Variants in CNNM4 observed in about 807,000 individuals in gnomAD.
The protein encoded by CNNM4 is cyclin and CBS domain divalent metal cation transport mediator 4.
In CNNM4, 32 loss-of-function variants were observed where a neutral mutation model predicts 53.7. That is an observed-to-expected ratio of 0.60 (90% confidence interval 0.45 to 0.80). The LOEUF (loss-of-function observed/expected upper bound fraction) is 0.80. Ranked by LOEUF, CNNM4 falls within the 30% of genes least tolerant of loss-of-function variation. The pLI is 0.00. For synonymous variants in CNNM4, 410 were observed against 440.0 expected (o/e 0.93, Z 0.85); for missense variants, 784 against 1,022.0 (o/e 0.77, Z 3.17).
At chr2:96,762,852 CGCAA>C (rs1423472089) in intron 1 of CNNM4, among the ~76,000 whole-genome samples, 4 of 152,050 alleles carry the variant, frequency 2.6e-5, no homozygotes, top group Non-Finnish European at 5.9e-5. Flanking sequence ...GAGGGAACCC[CGCAA>C]GCAGAGAACC....
chr2:96,772,379 GCA>G lies in CNNM4; in HGVS notation c.1402+9986_1402+9987del, dbSNP rs539653258. Among the ~76,000 whole-genome samples, 27 of 124,200 alleles carry G rather than the reference GCA, an allele frequency of 2.2e-4. No homozygotes were observed. The South Asian group carries it at 7.1e-3, about 33-fold the overall frequency. The allele number at this position is 124,200 out of a possible 152,430, so 81.5% of individuals were successfully genotyped here. On this transcript the variant is annotated intron_variant, in intron 1 of 6. Coordinates refer to ENST00000377075, the MANE Select transcript of CNNM4 (RefSeq NM_020184.4). ...CAGGCAGGTGCTCACACACACGTGCGCACACACACTCATGCCCCCCACGTAGG... is the reference window on the plus strand; with the variant it reads ...CAGGCAGGTGCTCACACACACGTGCGCACACACTCATGCCCCCCACGTAGG...
chr2:96,779,200 C>T (rs901688914), intron 1 of CNNM4, among the ~76,000 whole-genome samples: 28 of 152,128 alleles, frequency 1.8e-4, no homozygotes, highest in Non-Finnish European at 1.0e-4. Context: ...GCTCGTGATC[C>T]GCCCGCCTCG....
intron 5 of CNNM4, among the ~76,000 whole-genome samples, chr2:96,803,923 C>T (rs906232867): frequency 2.0e-5 from 3 of 151,984 alleles, no homozygotes; most frequent in African/African-American, 7.3e-5. Context: ...TTAAGAGACA[C>T]GTTCTTTCTC....
At chr2:96,785,024 G>A (rs2079004762) in intron 1 of CNNM4, among the ~76,000 whole-genome samples, 1 of 151,976 alleles carries the variant, frequency 6.6e-6, no homozygotes. Flanking sequence ...ATTATAGGTG[G>A]GCACCACCAC....
chr2:96,809,121 T>C (rs1218290620), intron 6 of CNNM4, 199 bp from the exon 7 acceptor site: 1 of 1,174,028 alleles, frequency 8.5e-7, no homozygotes, highest in Non-Finnish European at 1.2e-6. Context: ...GGATTACAGG[T>C]GTGAGCCACT....
chr2:96,762,180 T>A lies in CNNM4; in HGVS notation c.1181T>A (p.Phe394Tyr). 6.2e-7 allele frequency: 1 copy of A among 1,614,206 alleles called. No homozygotes were observed. The highest frequency in any genetic ancestry group is 8.5e-7 in the Non-Finnish European group (1 of 1,180,032). The change falls in exon 1 of 7, where the codon TTC becomes TAC. Residue 394 changes from phenylalanine to tyrosine, a missense_variant. Phe to Tyr is a conservative substitution (Grantham distance 22, BLOSUM62 3). Coordinates refer to ENST00000377075, the MANE Select transcript of CNNM4 (RefSeq NM_020184.4). Reference protein sequence around the residue: ...FMIRSDAILDFNTMSEIMESG... With the variant: ...FMIRSDAILDYNTMSEIMESG... ...ATCCGCAGCGATGCCATCCTGGACTTCAACACCATGTCGGAGATAATGGAA... is the reference window on the plus strand; with the variant it reads ...ATCCGCAGCGATGCCATCCTGGACTACAACACCATGTCGGAGATAATGGAA...
At chr2:96,787,615 G>A (rs2079026220) in intron 1 of CNNM4, among the ~76,000 whole-genome samples, 1 of 152,112 alleles carries the variant, frequency 6.6e-6, no homozygotes, top group Admixed American at 6.6e-5. Context: ...CCCAGCATTT[G>A]GGGAGGCCAT....
chr2:96,806,195 G>A (rs2079204489), intron 5 of CNNM4, among the ~76,000 whole-genome samples: 2 of 152,018 alleles, frequency 1.3e-5, no homozygotes, highest in Admixed American at 6.6e-5. Flanking sequence ...CTTCTTTTCA[G>A]TTTTATGAAA....
chr2:96,801,801 GAT>G lies in CNNM4; in HGVS notation c.1948+2156_1948+2157del, dbSNP rs566662122. ...GATACTACAGACACCCATAGACAGA[GAT>G]ATCACACACAGAAACACACATGCAG... On this transcript the variant is annotated intron_variant, in intron 5 of 6. Transcript: ENST00000377075. The surrounding 1 kb of genome is among the most constrained non-coding windows in gnomAD (Gnocchi z 5.6). Among the ~76,000 whole-genome samples the G allele has an allele frequency of 2.8e-4, 42 of 151,146 alleles. No homozygotes were observed. Among genetic ancestry groups the G allele is most frequent in the Non-Finnish European group, 6.0e-4 (41 of 67,836 alleles).
intron 1 of CNNM4, among the ~76,000 whole-genome samples, chr2:96,765,352 C>A (rs930874575): frequency 2.6e-5 from 4 of 151,756 alleles, no homozygotes; most frequent in Non-Finnish European, 5.9e-5. Context: ...TCTTGAACTC[C>A]CGACCTCAGG....
chr2:96,799,312 G>T, intron 4 of CNNM4, 86 bp downstream of exon 4: 1 of 1,549,368 alleles, frequency 6.5e-7, no homozygotes. Context: ...TGCTGCGGAG[G>T]TGCATGGCTT....
intron 1 of CNNM4, among the ~76,000 whole-genome samples, chr2:96,789,951 G>A (rs2079046043): frequency 1.1e-5 from 1 of 87,020 alleles, no homozygotes; most frequent in Non-Finnish European, 2.2e-5. Flanking sequence ...CCCCGCCCCC[G>A]GCCCTCCAAA....
At position 96,800,113 on chromosome 2, in the gene CNNM4, T is replaced by A. The variant is rs1057179960; in HGVS notation, c.1948+465T>A. ...GGAGGACGCGGCTACTGGGTTTTGG[T>A]TAGAGGTCAGCTCCGATGGAATAAA... On this transcript the variant is annotated intron_variant, in intron 5 of 6. Coordinates refer to ENST00000377075, the MANE Select transcript of CNNM4 (RefSeq NM_020184.4). The surrounding 1 kb of genome is among the most constrained non-coding windows in gnomAD (Gnocchi z 4.6). 2.2e-4 allele frequency among the ~76,000 whole-genome samples: 34 copies of A among 151,924 alleles called. No individual in the cohort carries two copies. The highest frequency in any genetic ancestry group is 8.0e-4 in the African/African-American group (33 of 41,462).
chr2:96,804,210 A>G (rs1254840759), intron 5 of CNNM4, among the ~76,000 whole-genome samples: 1 of 150,550 alleles, frequency 6.6e-6, no homozygotes, highest in African/African-American at 2.4e-5. Flanking sequence ...TCTAATCTTA[A>G]TAGGTCACGT....
chr2:96,796,708 C>T (rs1244201790), intron 1 of CNNM4, among the ~76,000 whole-genome samples: 1 of 152,176 alleles, frequency 6.6e-6, no homozygotes, highest in African/African-American at 2.4e-5. Context: ...CTGCAGTGAG[C>T]TATGATTGCG....
chr2:96,808,854 T>G lies in CNNM4; in HGVS notation c.2130+112T>G, dbSNP rs1360579479. 1.1e-5 allele frequency: 12 copies of G among 1,073,410 alleles called. 1 individual carries two copies. In the East Asian group the frequency reaches 2.3e-4, roughly 20 times the overall value. 66.5% of individuals were successfully genotyped at this position (1,073,410 alleles called of 1,614,324 possible). On this transcript the variant is annotated intron_variant, in intron 6 of 6. Coordinates refer to ENST00000377075, the MANE Select transcript of CNNM4 (RefSeq NM_020184.4). The surrounding 1 kb of genome is among the most constrained non-coding windows in gnomAD (Gnocchi z 4.9). The stretch of plus-strand genomic sequence containing the variant: ...GGCCCAAACCCGAGATGCCTTTTTC[T>G]TCTGGAGATGGGGTCTTGCTCTGTC...
Position 96,801,006 on chromosome 2 carries a change from C to T in CNNM4, c.1948+1358C>T. The T allele has an allele frequency of 1.3e-6, 1 of 763,708 alleles. No homozygotes were observed. Among genetic ancestry groups the T allele is most frequent in the Non-Finnish European group, 1.6e-6 (1 of 627,696 alleles). The allele number at this position is 763,708 out of a possible 1,614,324, so 47.3% of individuals were successfully genotyped here. On this transcript the variant is annotated intron_variant, in intron 5 of 6. Coordinates refer to ENST00000377075, the MANE Select transcript of CNNM4 (RefSeq NM_020184.4). The surrounding 1 kb of genome is among the most constrained non-coding windows in gnomAD (Gnocchi z 5.6). ...TGGCCCCGTCAGGTCTGCCTCTGTCCTGTGCCTGTGGTTCCGTGTCCTGTC... is the reference window on the plus strand; with the variant it reads ...TGGCCCCGTCAGGTCTGCCTCTGTCTTGTGCCTGTGGTTCCGTGTCCTGTC...
At chr2:96,787,778 T>C (rs2079027364) in intron 1 of CNNM4, among the ~76,000 whole-genome samples, 1 of 152,138 alleles carries the variant, frequency 6.6e-6, no homozygotes, top group Non-Finnish European at 1.5e-5. Context: ...GAGGTTCACT[T>C]GAGCCCAGGA....
Position 96,761,652 on chromosome 2 carries a change from A to G in CNNM4, c.653A>G (p.Gln218Arg). Reference protein sequence around the residue: ...ALDPMELRIVQNCGTEKERRY... With the variant: ...ALDPMELRIVRNCGTEKERRY... ...GACCCCATGGAGCTGCGCATCGTGC[A>G]GAACTGTGGCACCGAGAAGGAGAGG... Residue 218 changes from glutamine to arginine, a missense_variant, in exon 1 of 7, where the codon CAG becomes CGG. Physicochemically the swap from Gln to Arg is conservative, Grantham distance 43. This residue lies in a region of CNNM4 where 473 missense variants were observed against 624.6 expected (regional missense o/e 0.76). Coordinates refer to ENST00000377075, the MANE Select transcript of CNNM4 (RefSeq NM_020184.4). This position sits in a 1 kb window ranked among gnomAD's most constrained non-coding sequence, Gnocchi z 6.0. 1.2e-6 allele frequency: 2 copies of G among 1,612,948 alleles called. No individual in the cohort carries two copies. Among genetic ancestry groups the G allele is most frequent in the South Asian group, 2.2e-5 (2 of 91,080 alleles).
Sources: allele counts gnomAD v4.1 joint callset (sites outside exome capture counted in the v4.1 genomes callset), GRCh38; gene constraint gnomAD v4.1.1; regional missense constraint gnomAD v4.1.1; non-coding constraint Gnocchi (gnomAD v3.1); transcripts MANE v1.5; gene names NCBI Gene and HGNC (gene_info 2026-07-23, HGNC 2026-07-21).